The following SUMF1 variants were observed in gnomAD, a reference collection of about 807,000 sequenced individuals.
SUMF1 encodes the protein formylglycine-generating enzyme.
A neutral mutation model predicts 47.6 loss-of-function variants in SUMF1; 48 were observed. The ratio of observed to expected loss-of-function variants is 1.01; its 90% CI spans 0.80 to 1.28. The LOEUF (loss-of-function observed/expected upper bound fraction) is 1.28, where lower values mean the gene tolerates loss of function less well. Among genes scored for constraint, SUMF1 ranks in the 50% most tolerant of loss-of-function variants. SUMF1 has a pLI of 0.00. For synonymous variants in SUMF1, 230 were observed against 192.1 expected (o/e 1.20, Z -1.63); for missense variants, 571 against 485.4 (o/e 1.18, Z -1.66).
At chr3:4,239,355 T>G (rs1466986477) in intron 8 of SUMF1, among the ~76,000 whole-genome samples, 1 of 152,186 alleles carries the variant, frequency 6.6e-6, no homozygotes, top group Non-Finnish European at 1.5e-5. Context: ...ATCTATAGAT[T>G]ACTTTGGGCA....
rs556590141 is a variant in SUMF1 at position 4,386,683 on chromosome 3, T to C, written c.955-10294A>G. ...ACAGACATAGTTACCTTTTTCCCAA[T>C]ATTAGTGGGAAAGCACTTGGTCTTT... On this transcript the variant is annotated intron_variant, in intron 7 of 8. Transcript: ENST00000272902. Among the ~76,000 whole-genome samples the C allele has an allele frequency of 2.0e-5, 3 of 152,196 alleles. No homozygotes were observed. In the South Asian group the frequency reaches 6.2e-4, roughly 32 times the overall value.
chr3:4,339,662 C>G (rs1699228414), intron 8 of SUMF1, among the ~76,000 whole-genome samples: 1 of 152,216 alleles, frequency 6.6e-6, no homozygotes, highest in South Asian at 2.1e-4. Flanking sequence ...TGATAGCACT[C>G]TCAGCAATTA....
At chr3:4,433,436 G>A (rs933320109) in intron 3 of SUMF1, among the ~76,000 whole-genome samples, 1 of 152,132 alleles carries the variant, frequency 6.6e-6, no homozygotes, top group East Asian at 1.9e-4. Context: ...TTTGCTTCCT[G>A]AGCTTATGCC....
intron 8 of SUMF1, among the ~76,000 whole-genome samples, chr3:4,131,396 G>T (rs754925065): frequency 6.6e-6 from 1 of 152,142 alleles, no homozygotes; most frequent in African/African-American, 2.4e-5. Flanking sequence ...AGGAAGAGAA[G>T]ACTAGGCCCT....
intron 8 of SUMF1, chr3:4,303,571 C>T (rs1355033846): frequency 8.2e-6 from 11 of 1,343,984 alleles, no homozygotes; most frequent in Admixed American, 4.2e-5. Context: ...GCGCGGCTCC[C>T]CCACGTGGTC....
chr3:4,042,256 CTATTA>C (rs1694920526), intron 9 of SUMF1, among the ~76,000 whole-genome samples: 1 of 152,052 alleles, frequency 6.6e-6, no homozygotes, highest in Non-Finnish European at 1.5e-5. Context: ...TGAGGTACAT[CTATTA>C]TGTCACCTGA....
In SUMF1 at chr3:4,456,703, T is replaced by C. The variant is rs1028603059; in HGVS notation, c.271-3654A>G. On this transcript the variant is annotated intron_variant, in intron 1 of 8. Transcript: ENST00000272902. ...ATATATATATGTGTGTATATATATA[T>C]ACGTATATATATACATATATATACG... Among the ~76,000 whole-genome samples, 63 of 127,840 alleles carry C rather than the reference T, an allele frequency of 4.9e-4. 3 individuals are homozygous for C. The highest frequency in any genetic ancestry group is 3.5e-3 in the South Asian group (15 of 4,246). The allele number at this position is 127,840 out of a possible 152,430, so 83.9% of individuals were successfully genotyped here.
At chr3:4,437,358 T>C (rs1404743139) in intron 3 of SUMF1, among the ~76,000 whole-genome samples, 1 of 151,990 alleles carries the variant, frequency 6.6e-6, no homozygotes, top group Non-Finnish European at 1.5e-5. Context: ...TTAAAATTGA[T>C]TAACTACTAA....
chr3:4,212,200 A>G (rs1695814703), intron 8 of SUMF1, among the ~76,000 whole-genome samples: 1 of 152,148 alleles, frequency 6.6e-6, no homozygotes, highest in Admixed American at 6.5e-5. Flanking sequence ...CATCTGGCAG[A>G]TGCCCCTCTG....
intron 8 of SUMF1, among the ~76,000 whole-genome samples, chr3:4,179,555 A>C (rs923482606): frequency 6.6e-6 from 1 of 152,220 alleles, no homozygotes; most frequent in Non-Finnish European, 1.5e-5. Flanking sequence ...TTAAAGACTT[A>C]AATATTAGAC....
chr3:4,351,613 G>C (rs554267263), intron 8 of SUMF1, among the ~76,000 whole-genome samples: 3 of 152,192 alleles, frequency 2.0e-5, no homozygotes, highest in South Asian at 4.2e-4. Context: ...ATGCACCCAA[G>C]CCTTCTTCCA....
intron 7 of SUMF1, among the ~76,000 whole-genome samples, chr3:4,400,421 T>A (rs998314922): frequency 2.6e-5 from 4 of 152,238 alleles, no homozygotes; most frequent in African/African-American, 9.6e-5. Context: ...TTAGGAATTC[T>A]GAGATTCAAA....
intron 7 of SUMF1, among the ~76,000 whole-genome samples, chr3:4,385,405 T>C (rs979182457): frequency 6.6e-6 from 1 of 152,218 alleles, no homozygotes; most frequent in Non-Finnish European, 1.5e-5. Flanking sequence ...TTCATGTGCT[T>C]CCATGCCATC....
intron 9 of SUMF1, among the ~76,000 whole-genome samples, chr3:4,061,153 C>T (rs895085207): frequency 3.3e-5 from 5 of 152,170 alleles, no homozygotes; most frequent in Non-Finnish European, 7.4e-5. Flanking sequence ...TCCAGAATAG[C>T]TTCAGAGCAA....
At chr3:4,155,440 T>C (rs977638024) in intron 8 of SUMF1, among the ~76,000 whole-genome samples, 1 of 151,554 alleles carries the variant, frequency 6.6e-6, no homozygotes, top group Non-Finnish European at 1.5e-5. Context: ...GATGTTCTCA[T>C]GTCAAACACG....
Position 4,144,587 on chromosome 3 carries a change from G to C in SUMF1, c.1015-75842C>G, listed in dbSNP as rs1342983245. ...GGAATACAAATGCATTTCAATATTA[G>C]ACTTTAAGAAAAACTAATGGGAAAG... On this transcript the variant is annotated intron_variant and NMD_transcript_variant, in intron 8 of 12. Transcript: ENST00000448413. 6.6e-5 allele frequency among the ~76,000 whole-genome samples: 10 copies of C among 152,136 alleles called. No individual in the cohort carries two copies. In the East Asian group the frequency reaches 1.7e-3, roughly 26 times the overall value.
chr3:4,448,095 G>T (rs908904170), intron 3 of SUMF1, among the ~76,000 whole-genome samples: 1 of 152,008 alleles, frequency 6.6e-6, no homozygotes, highest in African/African-American at 2.4e-5. Flanking sequence ...TTATAAACTT[G>T]TAAGGAGCAA....
intron 7 of SUMF1, among the ~76,000 whole-genome samples, chr3:4,393,631 C>A (rs574488716): frequency 6.6e-6 from 1 of 151,900 alleles, no homozygotes; most frequent in Admixed American, 6.6e-5. Context: ...CCATGACTGG[C>A]CTTTTATTTA....
downstream of SUMF1, among the ~76,000 whole-genome samples, chr3:4,356,737 A>G (rs530270702): frequency 6.6e-6 from 1 of 152,064 alleles, no homozygotes; most frequent in African/African-American, 2.4e-5. Flanking sequence ...AACATTAAAA[A>G]CTCAGAAGGC....
Sources: allele counts gnomAD v4.1 joint callset (sites outside exome capture counted in the v4.1 genomes callset), GRCh38; gene constraint gnomAD v4.1.1; transcripts MANE v1.5; gene names NCBI Gene and HGNC (gene_info 2026-07-23, HGNC 2026-07-21).